Variants in IL17RA observed in about 807,000 individuals in gnomAD.
IL17RA encodes interleukin-17 receptor A.
In IL17RA, 34 loss-of-function variants were observed where a neutral mutation model predicts 50.4. The ratio of observed to expected loss-of-function variants is 0.67; its 90% CI spans 0.51 to 0.90. The LOEUF (loss-of-function observed/expected upper bound fraction) is 0.90. Among genes scored for constraint, IL17RA ranks in the 40% least tolerant of loss-of-function variants. The pLI, the probability that IL17RA is intolerant of heterozygous loss-of-function variation, is 0.00. For missense variants in IL17RA, 1,276 were observed against 1,169.8 expected, an observed-to-expected ratio of 1.09 and a Z score of -1.32; for synonymous variants, 585 against 510.4, an observed-to-expected ratio of 1.15 and a Z score of -1.97.
At chr22:17,098,966 G>C in intron 4 of IL17RA, 79 bp downstream of exon 4, 2 of 1,174,356 alleles carry the variant, frequency 1.7e-6, no homozygotes, top group Non-Finnish European at 1.3e-6. Flanking sequence ...TTCAGACCCT[G>C]ATTTAGAGTG....
intron 1 of IL17RA, among the ~76,000 whole-genome samples, chr22:17,085,437 G>C (rs1478893616): frequency 1.3e-5 from 2 of 151,782 alleles, no homozygotes; most frequent in Non-Finnish European, 2.9e-5. Context: ...TGTGGAATAC[G>C]GGGGGGGTGG....
At chr22:17,090,075 T>C (rs1323686302) in intron 1 of IL17RA, among the ~76,000 whole-genome samples, 1 of 151,992 alleles carries the variant, frequency 6.6e-6, no homozygotes, top group African/African-American at 2.4e-5. Flanking sequence ...CAGGCTGGAG[T>C]GCAGGGGCGC....
rs1186479435 is a variant in IL17RA at position 17,102,175 on chromosome 22, T to A, written c.635T>A (p.Leu212Gln). 1 of 1,614,166 alleles carries A rather than the reference T, an allele frequency of 6.2e-7. No homozygotes were observed. Among genetic ancestry groups the A allele is most frequent in the East Asian group, 2.2e-5 (1 of 44,882 alleles). Residue 212 changes from leucine to glutamine, a missense_variant, in exon 7 of 13, where the codon CTG becomes CAG. Leu to Gln is a moderately radical substitution (Grantham distance 113). Transcript: ENST00000319363. ...GACCCCAACATCACCGTGGAGACCC[T>A]GGAGGCCCACCAGCTGCGTGTGAGC... is the stretch of plus-strand genomic sequence containing the variant. ...LWDPNITVET[L>Q]EAHQLRVSFT...
At position 17,094,677 on chromosome 22, in the gene IL17RA, C is replaced by CTATATATATATGTGTA. The variant is rs1568917424; in HGVS notation, c.139-2384_139-2383insATATATATATGTGTAT. ...ACACACTCTCTCTCTCTCTCTCTCT[C>CTATATATATATGTGTA]TCTCTCTCTCTCTCTATATATATAT... is the stretch of plus-strand genomic sequence containing the variant. On this transcript the variant is annotated intron_variant, in intron 1 of 12. Transcript: ENST00000319363. 6.3e-4 allele frequency among the ~76,000 whole-genome samples: 31 copies of CTATATATATATGTGTA among 49,342 alleles called. 1 individual carries two copies. Among genetic ancestry groups the CTATATATATATGTGTA allele is most frequent in the African/African-American group, 2.8e-3 (28 of 10,138 alleles). 32.4% of individuals were successfully genotyped at this position (49,342 alleles called of 152,430 possible). A position where few individuals can be genotyped will look rare whatever the true frequency, so the allele number is the denominator to read the frequency against.
chr22:17,104,954 TG>T, intron 9 of IL17RA, 144 bp downstream of exon 9: 1 of 780,432 alleles, frequency 1.3e-6, no homozygotes, highest in Non-Finnish European at 2.2e-6. Context: ...GCCTGAAGTG[TG>T]GAGTGGGGCT....
Position 17,108,728 on chromosome 22 carries a change from C to T in IL17RA, c.1509C>T (p.Tyr503=). The change falls in exon 13 of 13, where the codon TAC becomes TAT. Residue 503 remains tyrosine, a synonymous_variant. Transcript: ENST00000319363. Reference sequence around the variant, plus strand: ...GCTTCGGCACCTACGTAGTCTGCTACTTCAGCGAGGTCAGCTGTGACGGCG... The same window carrying T: ...GCTTCGGCACCTACGTAGTCTGCTATTTCAGCGAGGTCAGCTGTGACGGCG... ...PACFGTYVVC[Y]FSEVSCDGDV... is the part of the protein sequence containing the mutation. 3.1e-6 allele frequency: 5 copies of T among 1,611,688 alleles called. No homozygotes were observed. Among genetic ancestry groups the T allele is most frequent in the Non-Finnish European group, 4.2e-6 (5 of 1,179,828 alleles).
At position 17,094,419 on chromosome 22, in the gene IL17RA, A is replaced by G. The variant is rs532148588; in HGVS notation, c.139-2643A>G. 9.2e-5 allele frequency among the ~76,000 whole-genome samples: 14 copies of G among 151,960 alleles called. No homozygotes were observed. The South Asian group carries it at 2.1e-3, about 23-fold the overall frequency. On this transcript the variant is annotated intron_variant, in intron 1 of 12. Transcript: ENST00000319363. ...TTTACAAAAAAAAATGTTCTTTCCT[A>G]TAATTGTTATATTGTTTGGAGAGAG...
At chr22:17,095,967 CCT>C (rs956225852) in intron 1 of IL17RA, among the ~76,000 whole-genome samples, 6 of 152,272 alleles carry the variant, frequency 3.9e-5, no homozygotes, top group African/African-American at 7.2e-5. Context: ...CTTAGCCCTA[CCT>C]CTCTGTTCCC....
chr22:17,109,005 C>G lies in IL17RA; in HGVS notation c.1786C>G (p.Gln596Glu). 2 of 1,600,438 alleles carry G rather than the reference C, an allele frequency of 1.2e-6. No individual in the cohort carries two copies. ...TGAGAACCTCTACTCAGCAGATGAC[C>G]AGGATGCCCCGTCCCTGGACGAAGA... ...ECENLYSADD[Q>E]DAPSLDEEVF... Residue 596 changes from glutamine (Q) to glutamate (E), a missense_variant, in exon 13 of 13, where the codon CAG (glutamine) becomes GAG (glutamate). Coordinates refer to ENST00000319363, the MANE Select transcript of IL17RA (RefSeq NM_014339.7).
Position 17,104,714 on chromosome 22 carries a change from C to T in IL17RA, c.847-12C>T. On this transcript the variant is annotated splice_polypyrimidine_tract_variant and intron_variant, in intron 8 of 12. Transcript: ENST00000319363. ...AGTTCTGGAGCCCTTTTCCTGCCCT[C>T]TCTGCCCGCAGATCCAGCCCTTCTT... 6.2e-7 allele frequency: 1 copy of T among 1,613,832 alleles called. No homozygotes were observed. Among genetic ancestry groups the T allele is most frequent in the Admixed American group, 1.7e-5 (1 of 60,012 alleles).
At chr22:17,091,127 A>G (rs1196464318) in intron 1 of IL17RA, among the ~76,000 whole-genome samples, 2 of 152,204 alleles carry the variant, frequency 1.3e-5, no homozygotes, top group African/African-American at 2.4e-5. Flanking sequence ...CTTCTTCCTC[A>G]GGGGTTACTC....
rs758399114 is a variant in IL17RA, at chr22:17,105,869, G to T, written c.960G>T (p.Trp320Cys). 8.7e-6 allele frequency: 14 copies of T among 1,614,052 alleles called. No individual in the cohort carries two copies. The highest frequency in any genetic ancestry group is 1.2e-5 in the Non-Finnish European group (14 of 1,179,970). Residue 320 changes from tryptophan to cysteine, a missense_variant, in exon 11 of 13, where the codon TGG (tryptophan) becomes TGT (cysteine). Physicochemically the swap from Trp to Cys is radical, Grantham distance 215. Coordinates refer to ENST00000319363, the MANE Select transcript of IL17RA (RefSeq NM_014339.7). ...TCACCGCAGACTACATGCCCCTGTG[G>T]GTGTACTGGTTCATCACGGGCATCT... is the stretch of plus-strand genomic sequence containing the variant. Reference protein sequence around the residue: ...PEPIPDYMPLWVYWFITGISI... With the variant: ...PEPIPDYMPLCVYWFITGISI...
intron 2 of IL17RA, 104 bp downstream of exon 2, chr22:17,097,190 C>T (rs1219046777): frequency 8.1e-6 from 9 of 1,112,050 alleles, no homozygotes; most frequent in Non-Finnish European, 1.1e-5. Flanking sequence ...CAGGTTCAGG[C>T]TGTGAGCTAC....
intron 1 of IL17RA, 111 bp from the exon 2 acceptor site, chr22:17,096,951 G>A: frequency 1.1e-6 from 1 of 939,864 alleles, no homozygotes; most frequent in Non-Finnish European, 1.8e-6. Flanking sequence ...AGTGAGAAGG[G>A]CAGGCTGTGT....
chr22:17,090,528 C>T (rs1185332313), intron 1 of IL17RA, among the ~76,000 whole-genome samples: 6 of 152,136 alleles, frequency 3.9e-5, no homozygotes, highest in South Asian at 2.1e-4. Flanking sequence ...TAGATCCCTG[C>T]GCCACCCCTA....
Position 17,115,427 on chromosome 22 carries a change from G to A in IL17RA, c.*5607G>A, listed in dbSNP as rs2061463552. On this transcript the variant is annotated 3_prime_UTR_variant, in exon 13 of 13. Coordinates refer to ENST00000319363, the MANE Select transcript of IL17RA (RefSeq NM_014339.7). ...ATGGCCAAAGCCACAGCTAACGAGA[G>A]GCAGAGAGAGCTCAGGCTCCCAGGA... 6.6e-6 allele frequency: 1 copy of A among 152,218 alleles called. No homozygotes were observed. Among genetic ancestry groups the A allele is most frequent in the East Asian group, 1.9e-4 (1 of 5,194 alleles). 9.4% of individuals were successfully genotyped at this position (152,218 alleles called of 1,614,324 possible).
intron 1 of IL17RA, among the ~76,000 whole-genome samples, chr22:17,090,923 G>A (rs2061345659): frequency 1.3e-5 from 2 of 152,106 alleles, no homozygotes; most frequent in South Asian, 4.1e-4. Context: ...TATCAGACTT[G>A]TCATATCATT....
rs1162694365 is a variant in IL17RA at position 17,105,590 on chromosome 22, G to A, written c.932-1G>A. On this transcript the variant is annotated splice_acceptor_variant, in intron 9 of 12. Coordinates refer to ENST00000319363, the MANE Select transcript of IL17RA (RefSeq NM_014339.7). LOFTEE classifies it high-confidence loss of function. Reference sequence around the variant, plus strand: ...CCCTTTTTCCTCTGTTCTCATTGCAGAACCAATTCCGGGTAAGCTTGGATC... The same window carrying A: ...CCCTTTTTCCTCTGTTCTCATTGCAAAACCAATTCCGGGTAAGCTTGGATC... The A allele has an allele frequency of 6.2e-7, 1 of 1,613,330 alleles. No individual in the cohort carries two copies. The highest frequency in any genetic ancestry group is 1.1e-5 in the South Asian group (1 of 91,064).
rs778371573 is a variant in IL17RA at position 17,101,990 on chromosome 22, C to T, written c.551-6C>T. The T allele has an allele frequency of 9.9e-6, 16 of 1,614,104 alleles. No individual in the cohort carries two copies. In the South Asian group the frequency reaches 1.2e-4, roughly 12 times the overall value. On this transcript the variant is annotated splice_region_variant and splice_polypyrimidine_tract_variant and intron_variant, in intron 5 of 12. Coordinates refer to ENST00000319363, the MANE Select transcript of IL17RA (RefSeq NM_014339.7). ...TTAATGAGTTTCCTTTTTTCTGGGTCGACAGACTGTGAGCACGCCAGGATG... is the reference window on the plus strand; with the variant it reads ...TTAATGAGTTTCCTTTTTTCTGGGTTGACAGACTGTGAGCACGCCAGGATG...
Sources: gnomAD v4.1 joint callset for allele counts (sites outside exome capture counted in the v4.1 genomes callset) on GRCh38, gnomAD v4.1.1 for gene constraint, MANE v1.5 for transcripts, NCBI Gene and HGNC (gene_info 2026-07-23, HGNC 2026-07-21) for gene names.